The following ISX variants were observed in gnomAD, a reference collection of about 807,000 sequenced individuals.
The protein encoded by ISX is intestine specific homeobox, also known as intestine-specific homeobox.
In ISX, 15 loss-of-function variants were observed where a neutral mutation model predicts 16.9. That is an observed-to-expected ratio of 0.89 (90% CI 0.59 to 1.36). ISX has a LOEUF of 1.36. Ranked by LOEUF, ISX falls within the 40% of genes most tolerant of loss-of-function variation. The pLI, the probability that ISX is intolerant of heterozygous loss-of-function variation, is 0.00. For missense variants in ISX, 316 were observed against 306.1 expected, an observed-to-expected ratio of 1.03 and a Z score of -0.24; for synonymous variants, 125 against 119.7, an observed-to-expected ratio of 1.04 and a Z score of -0.29.
chr22:35,085,499 A>T lies in ISX; in HGVS notation c.544A>T (p.Thr182Ser). The T allele has an allele frequency of 6.2e-7, 1 of 1,614,098 alleles. No homozygotes were observed. Among genetic ancestry groups the T allele is most frequent in the Non-Finnish European group, 8.5e-7 (1 of 1,180,000 alleles). The change falls in exon 5 of 5, where the codon ACG becomes TCG. Residue 182 changes from threonine (T) to serine (S), a missense_variant. Physicochemically the swap from Thr to Ser is moderately conservative, Grantham distance 58. Transcript: ENST00000404699. Reference sequence around the variant, plus strand: ...TGCTCTGCGCAGGCTGGCTCCTCCCACGAGCTGTTGTCCATCGGCTCAAGA... The same window carrying T: ...TGCTCTGCGCAGGCTGGCTCCTCCCTCGAGCTGTTGTCCATCGGCTCAAGA... ...STALRRLAPP[T>S]SCCPSAQDQL...
rs5999699 is a variant in ISX, at chr22:35,080,309, T to C, written c.230-2209T>C. Among the ~76,000 whole-genome samples the C allele has an allele frequency of 6.2e-4, 94 of 152,274 alleles. 2 individuals are homozygous for C. Among genetic ancestry groups the C allele is most frequent in the African/African-American group, 2.1e-3 (86 of 41,546 alleles). ...CCTTAATTTGAACCTCAGTCCTCAG[T>C]TCCCCTTTGAGCTCCAAACTTATCA... On this transcript the variant is annotated intron_variant, in intron 2 of 4. Coordinates refer to ENST00000404699, the MANE Select transcript of ISX (RefSeq NM_001303508.2).
chr22:35,079,030 C>A (rs534721204), intron 2 of ISX, among the ~76,000 whole-genome samples: 1 of 152,342 alleles, frequency 6.6e-6, no homozygotes, highest in South Asian at 2.1e-4. Flanking sequence ...ACCAGGAACA[C>A]AGCTTGGATT....
In ISX at chr22:35,066,921, C is replaced by G. The variant is rs1307498576; in HGVS notation, c.-167C>G. On this transcript the variant is annotated 5_prime_UTR_variant, in exon 2 of 5. Transcript: ENST00000404699. Reference sequence around the variant, plus strand: ...TCCAGCTCTTCTGCTGTGACCTGCCCATGGAAGTCCCTGTGGACACGAAAT... The same window carrying G: ...TCCAGCTCTTCTGCTGTGACCTGCCGATGGAAGTCCCTGTGGACACGAAAT... The G allele has an allele frequency of 1.0e-5, 6 of 601,068 alleles. No individual in the cohort carries two copies. The highest frequency in any genetic ancestry group is 1.5e-5 in the Non-Finnish European group (5 of 338,762). The allele number at this position is 601,068 out of a possible 1,614,324, so 37.2% of individuals were successfully genotyped here. A position where few individuals can be genotyped will look rare whatever the true frequency, so the allele number is the denominator to read the frequency against.
chr22:35,073,166 A>C (rs1027657649), intron 2 of ISX, among the ~76,000 whole-genome samples: 2 of 152,192 alleles, frequency 1.3e-5, no homozygotes, highest in African/African-American at 2.4e-5. Flanking sequence ...CTTTCACTGC[A>C]TTTCATTCAT....
At chr22:35,076,115 C>T (rs1309096233) in intron 2 of ISX, among the ~76,000 whole-genome samples, 1 of 150,822 alleles carries the variant, frequency 6.6e-6, no homozygotes, top group Non-Finnish European at 1.5e-5. Flanking sequence ...AAAAAAAATA[C>T]CTATTGTGTT....
intron 4 of ISX, among the ~76,000 whole-genome samples, chr22:35,084,745 A>G (rs530054609): frequency 3.6e-4 from 52 of 145,616 alleles, no homozygotes; most frequent in African/African-American, 1.3e-3. Context: ...CTTCCTGTGC[A>G]AAACTTCTCA....
chr22:35,079,504 C>T (rs1929071956), intron 2 of ISX, among the ~76,000 whole-genome samples: 1 of 152,132 alleles, frequency 6.6e-6, no homozygotes, highest in Non-Finnish European at 1.5e-5. Context: ...AGTTACAGTC[C>T]CTACTCAGAT....
Position 35,086,722 on chromosome 22 carries a change from T to C in ISX, c.*1029T>C, listed in dbSNP as rs1212800829. On this transcript the variant is annotated 3_prime_UTR_variant, in exon 5 of 5. Transcript: ENST00000404699. ...GAGGGCAAGGCCCAGTGTGGAGTGA[T>C]ATTGTTATTCCAAGATTCCACTGCA... The C allele has an allele frequency of 1.3e-5, 2 of 152,202 alleles. No homozygotes were observed. Among genetic ancestry groups the C allele is most frequent in the Non-Finnish European group, 2.9e-5 (2 of 68,048 alleles). The allele number at this position is 152,202 out of a possible 1,614,324, so 9.4% of individuals were successfully genotyped here.
At chr22:35,080,748 T>A (rs1276291524) in intron 2 of ISX, among the ~76,000 whole-genome samples, 1 of 152,174 alleles carries the variant, frequency 6.6e-6, no homozygotes, top group Admixed American at 6.5e-5. Context: ...TCCCCACACT[T>A]GAACCAGTTC....
intron 2 of ISX, among the ~76,000 whole-genome samples, chr22:35,080,601 C>T (rs1212063563): frequency 6.6e-6 from 1 of 152,194 alleles, no homozygotes; most frequent in East Asian, 1.9e-4. Flanking sequence ...AGCAGCATGA[C>T]AAGAGAGATG....
intron 2 of ISX, among the ~76,000 whole-genome samples, chr22:35,073,887 A>G (rs1203771354): frequency 6.6e-6 from 1 of 152,252 alleles, no homozygotes; most frequent in Non-Finnish European, 1.5e-5. Flanking sequence ...AATTTTCGAC[A>G]GGAAAGTGTA....
At position 35,067,061 on chromosome 22, in the gene ISX, TAC is replaced by T. The variant is rs751871829; in HGVS notation, c.-23_-22del. The stretch of plus-strand genomic sequence containing the variant: ...CTCTCCACTGGCACCCTCCTTGGCC[TAC>T]ACAGAGTCACCCCTGAGCCCCTCAA... On this transcript the variant is annotated 5_prime_UTR_variant, in exon 2 of 5. An upstream open reading frame in the 5' UTR gains an earlier in-frame stop. Coordinates refer to ENST00000404699, the MANE Select transcript of ISX (RefSeq NM_001303508.2). The T allele has an allele frequency of 1.1e-5, 18 of 1,587,312 alleles. No homozygotes were observed. Among genetic ancestry groups the T allele is most frequent in the Non-Finnish European group, 8.6e-7 (1 of 1,158,836 alleles).
chr22:35,066,578 G>A (rs1928704009), intron 1 of ISX, 116 bp downstream of exon 1: 1 of 160,952 alleles, frequency 6.2e-6, no homozygotes, highest in Non-Finnish European at 1.4e-5. Flanking sequence ...GGCCAAGGGT[G>A]GCACTCCAAC....
chr22:35,074,838 G>C (rs925829221), intron 2 of ISX, among the ~76,000 whole-genome samples: 1 of 151,956 alleles, frequency 6.6e-6, no homozygotes, highest in African/African-American at 2.4e-5. Flanking sequence ...TGGAGAGGAA[G>C]TGGAGAGGGT....
At chr22:35,084,127 C>A (rs1161283090) in intron 3 of ISX, among the ~76,000 whole-genome samples, 1 of 152,268 alleles carries the variant, frequency 6.6e-6, no homozygotes, top group Admixed American at 6.5e-5. Flanking sequence ...TCACCACAGA[C>A]CCCGCCAATC....
intron 2 of ISX, among the ~76,000 whole-genome samples, chr22:35,079,450 G>C (rs998892481): frequency 6.6e-6 from 1 of 152,182 alleles, no homozygotes; most frequent in Non-Finnish European, 1.5e-5. Context: ...TATTTGTTAA[G>C]CTCTCTCGGG....
Position 35,067,036 on chromosome 22 carries a change from C to A in ISX, c.-52C>A. The A allele has an allele frequency of 2.1e-6, 3 of 1,428,956 alleles. No individual in the cohort carries two copies. The highest frequency in any genetic ancestry group is 1.4e-5 in the African/African-American group (1 of 70,970). The allele number at this position is 1,428,956 out of a possible 1,614,324, so 88.5% of individuals were successfully genotyped here. ...GAGGTTCAGGGGAGGAAGTACGCCA[C>A]TCTCCACTGGCACCCTCCTTGGCCT... On this transcript the variant is annotated 5_prime_UTR_variant, in exon 2 of 5. Transcript: ENST00000404699.
rs1929180100 is a variant in ISX at position 35,083,792 on chromosome 22, C to A, written c.382-591C>A. Among the ~76,000 whole-genome samples the A allele has an allele frequency of 1.3e-5, 2 of 152,234 alleles. 1 individual carries two copies. Among genetic ancestry groups the A allele is most frequent in the South Asian group, 4.1e-4 (2 of 4,836 alleles). The stretch of plus-strand genomic sequence containing the variant: ...GCTAAATGGGAAGCCCCTGTATCAG[C>A]CACAAAGCCCAGAATTCAACACCTG... On this transcript the variant is annotated intron_variant, in intron 3 of 4. Coordinates refer to ENST00000404699, the MANE Select transcript of ISX (RefSeq NM_001303508.2).
chr22:35,078,832 A>T (rs1231203941), intron 2 of ISX, among the ~76,000 whole-genome samples: 1 of 152,264 alleles, frequency 6.6e-6, no homozygotes, highest in Admixed American at 6.5e-5. Flanking sequence ...CGCGTTCTGC[A>T]GGCAAGCCTG....
Sources: allele counts gnomAD v4.1 joint callset (sites outside exome capture counted in the v4.1 genomes callset), GRCh38; gene constraint gnomAD v4.1.1; transcripts MANE v1.5; gene names NCBI Gene and HGNC (gene_info 2026-07-23, HGNC 2026-07-21).